EYS: variants seen among roughly 807,000 people sequenced by gnomAD.
EYS encodes EGF-like photoreceptor maintenance factor.
A neutral mutation model predicts 282.1 loss-of-function variants in EYS; 250 were observed. The ratio of observed to expected loss-of-function variants is 0.89; its 90% CI spans 0.80 to 0.98. EYS has a LOEUF of 0.98. Ranked by LOEUF, EYS falls within the 50% of genes least tolerant of loss-of-function variation. The probability of loss-of-function intolerance (pLI) is 0.00; values close to 1 mark genes in which losing one functional copy is unlikely to be tolerated. For missense variants in EYS, 4,016 were observed against 3,709.0 expected (o/e 1.08, Z -2.15); for synonymous variants, 1,355 against 1,282.9 (o/e 1.06, Z -1.20).
Position 65,365,689 on chromosome 6 carries a change from C to T in EYS, c.1300-12072G>A, listed in dbSNP as rs116724690. Among the ~76,000 whole-genome samples, 889 of 151,672 alleles carry T rather than the reference C, an allele frequency of 5.9e-3. 17 individuals carry two copies. The highest frequency in any genetic ancestry group is 0.02 in the African/African-American group (848 of 41,480). Reference sequence around the variant, plus strand: ...TTCTTTCAATGAGCTGTACTAGTTACATAGCACTAAGAGATTACAAAAGAA... The same window carrying T: ...TTCTTTCAATGAGCTGTACTAGTTATATAGCACTAAGAGATTACAAAAGAA... On this transcript the variant is annotated intron_variant, in intron 8 of 42. Coordinates refer to ENST00000503581, the MANE Select transcript of EYS (RefSeq NM_001142800.2).
At chr6:65,069,092 T>A (rs1235273454) in intron 12 of EYS, among the ~76,000 whole-genome samples, 1 of 151,968 alleles carries the variant, frequency 6.6e-6, no homozygotes, top group Non-Finnish European at 1.5e-5. Context: ...TCTTTTTCTT[T>A]CCGAAAATAA....
At chr6:64,823,108 T>C (rs1764949286) in intron 19 of EYS, among the ~76,000 whole-genome samples, 1 of 151,988 alleles carries the variant, frequency 6.6e-6, no homozygotes, top group Non-Finnish European at 1.5e-5. Flanking sequence ...AGTAATGAAT[T>C]ATATCAAGTT....
Position 64,593,325 on chromosome 6 carries a change from A to G in EYS, c.3685-16T>C, listed in dbSNP as rs1299272363. 6.5e-7 allele frequency: 1 copy of G among 1,530,764 alleles called. No individual in the cohort carries two copies. The highest frequency in any genetic ancestry group is 2.1e-5 in the Admixed American group (1 of 47,714). 94.8% of individuals were successfully genotyped at this position (1,530,764 alleles called of 1,614,324 possible). On this transcript the variant is annotated splice_polypyrimidine_tract_variant and intron_variant, in intron 24 of 42. Transcript: ENST00000503581. ...TGGAGCAGGTCTGCAAATGACAATT[A>G]CAGTAATTAAATTAAGCTCAGTTTC...
rs1582533186 is a variant in EYS, at chr6:64,283,753, G to A, written c.6191+23217C>T. On this transcript the variant is annotated intron_variant, in intron 30 of 42. Transcript: ENST00000503581. Reference sequence around the variant, plus strand: ...GGATTTACAGTTCCACATGGCTGGGGAGGCCTCAGAATCATGGTGGGAAGT... The same window carrying A: ...GGATTTACAGTTCCACATGGCTGGGAAGGCCTCAGAATCATGGTGGGAAGT... Among the ~76,000 whole-genome samples the A allele has an allele frequency of 2.0e-5, 3 of 152,140 alleles. No individual in the cohort carries two copies. The South Asian group carries it at 6.2e-4, about 32-fold the overall frequency.
At chr6:64,618,605 A>ATAAATATG (rs1322888204) in intron 23 of EYS, among the ~76,000 whole-genome samples, 1 of 152,206 alleles carries the variant, frequency 6.6e-6, no homozygotes, top group Non-Finnish European at 1.5e-5. Context: ...AATTAAATAC[A>ATAAATATG]TATTTTGAGG....
At chr6:65,635,840 C>A (rs6899544) in intron 2 of EYS, among the ~76,000 whole-genome samples, 124,275 of 152,124 alleles carry the variant, frequency 0.82, 50,826 homozygotes, top group East Asian at 0.85. Flanking sequence ...GAAGCAACTC[C>A]GCTTAAGAGG....
chr6:64,044,603 T>C (rs1047284851), intron 33 of EYS, among the ~76,000 whole-genome samples: 1 of 152,220 alleles, frequency 6.6e-6, no homozygotes, highest in African/African-American at 2.4e-5. Flanking sequence ...TATGAAAATG[T>C]ATTTGCCCTT....
intron 26 of EYS, among the ~76,000 whole-genome samples, chr6:64,572,493 T>C (rs1312246732): frequency 6.6e-6 from 1 of 152,186 alleles, no homozygotes; most frequent in Non-Finnish European, 1.5e-5. Context: ...TCAAGTCAAA[T>C]TGCAGATGAC....
intron 35 of EYS, among the ~76,000 whole-genome samples, chr6:63,894,696 C>A (rs2149727103): frequency 6.6e-6 from 1 of 152,112 alleles, no homozygotes; most frequent in South Asian, 2.1e-4. Flanking sequence ...ATTCCCCTGC[C>A]TCAGCCTCCC....
Position 65,344,138 on chromosome 6 carries a change from T to A in EYS, c.1499A>T (p.Tyr500Phe). 1 of 1,610,356 alleles carries A rather than the reference T, an allele frequency of 6.2e-7. No homozygotes were observed. Among genetic ancestry groups the A allele is most frequent in the Non-Finnish European group, 8.5e-7 (1 of 1,177,672 alleles). The change falls in exon 10 of 43, where the codon TAT becomes TTT. Residue 500 changes from tyrosine (Y) to phenylalanine (F), a missense_variant. Coordinates refer to ENST00000503581, the MANE Select transcript of EYS (RefSeq NM_001142800.2). ...AGTGCAGTTTGCAGCCAGAAAGAAA[T>A]AGGCATCAATAACCCCTTGGCACTT... ...GEKCQGVIDA[Y>F]FFLAANCTED...
chr6:65,622,234 G>C (rs569957855), intron 2 of EYS, among the ~76,000 whole-genome samples: 51 of 150,012 alleles, frequency 3.4e-4, no homozygotes, highest in Non-Finnish European at 5.3e-4. Flanking sequence ...AGAACCTTTG[G>C]AGATGAGAAA....
Position 64,249,664 on chromosome 6 carries a change from G to A in EYS, c.6192-18840C>T, listed in dbSNP as rs545020616. On this transcript the variant is annotated intron_variant, in intron 30 of 42. Coordinates refer to ENST00000503581, the MANE Select transcript of EYS (RefSeq NM_001142800.2). Reference sequence around the variant, plus strand: ...GATAGTAATCAATGGACTTGAAGAAGCAAGCAGATGGAATAATTTCTGCAA... The same window carrying A: ...GATAGTAATCAATGGACTTGAAGAAACAAGCAGATGGAATAATTTCTGCAA... Among the ~76,000 whole-genome samples the A allele has an allele frequency of 2.0e-5, 3 of 152,268 alleles. No homozygotes were observed. The South Asian group carries it at 6.2e-4, about 32-fold the overall frequency.
chr6:65,549,948 G>A (rs1189407544), intron 2 of EYS, among the ~76,000 whole-genome samples: 1 of 152,034 alleles, frequency 6.6e-6, no homozygotes, highest in Non-Finnish European at 1.5e-5. Flanking sequence ...TTGGGCTCTG[G>A]AGTTGGCCAG....
At chr6:65,037,542 ATT>A (rs563730568) in intron 13 of EYS, among the ~76,000 whole-genome samples, 119 of 151,788 alleles carry the variant, frequency 7.8e-4, no homozygotes, top group Middle Eastern at 6.8e-3. Flanking sequence ...CTTCCGTATG[ATT>A]TTCTTAGTGT....
intron 9 of EYS, among the ~76,000 whole-genome samples, chr6:65,353,215 T>C (rs912601318): frequency 2.6e-5 from 4 of 151,876 alleles, no homozygotes; most frequent in African/African-American, 9.7e-5. Flanking sequence ...TTTATGAAAG[T>C]AGGAAATAGC....
At chr6:64,468,938 A>T (rs1014418723) in intron 26 of EYS, among the ~76,000 whole-genome samples, 1 of 152,034 alleles carries the variant, frequency 6.6e-6, no homozygotes, top group African/African-American at 2.4e-5. Flanking sequence ...TGTCTTTGCT[A>T]TTGTGACTAG....
chr6:63,972,240 G>T (rs1043477654), intron 35 of EYS, among the ~76,000 whole-genome samples: 10 of 152,152 alleles, frequency 6.6e-5, no homozygotes, highest in African/African-American at 2.4e-4. Context: ...GACATTTTAT[G>T]AATTTGTCTT....
Position 64,859,123 on chromosome 6 carries a change from C to G in EYS, c.2992+27574G>C, listed in dbSNP as rs1262551938. On this transcript the variant is annotated intron_variant, in intron 19 of 42. Transcript: ENST00000503581. ...AAAACTATTAGAACTGATAAATGCA[C>G]TTAGCAAATTTACAGGATATACTTT... Among the ~76,000 whole-genome samples the G allele has an allele frequency of 2.0e-5, 3 of 151,422 alleles. No homozygotes were observed. The South Asian group carries it at 6.2e-4, about 31-fold the overall frequency.
intron 30 of EYS, among the ~76,000 whole-genome samples, chr6:64,304,314 G>A (rs1004667723): frequency 3.3e-5 from 5 of 152,052 alleles, no homozygotes; most frequent in African/African-American, 1.2e-4. Flanking sequence ...AGAATTTAAG[G>A]GAGAAATAGA....
Sources: gnomAD v4.1 joint callset for allele counts (sites outside exome capture counted in the v4.1 genomes callset) on GRCh38, gnomAD v4.1.1 for gene constraint, MANE v1.5 for transcripts, NCBI Gene and HGNC (gene_info 2026-07-23, HGNC 2026-07-21) for gene names.